The following MAST3 variants were observed in gnomAD, a reference collection of about 807,000 sequenced individuals.
MAST3 encodes the protein microtubule-associated serine/threonine-protein kinase 3.
MAST3 carries 43 observed loss-of-function variants against 127.0 expected under a neutral mutation model. That is an observed-to-expected ratio of 0.34 (90% CI 0.27 to 0.44). The LOEUF (loss-of-function observed/expected upper bound fraction) is 0.44. Among genes scored for constraint, MAST3 ranks in the 20% least tolerant of loss-of-function variants. The pLI is 1.00. For synonymous variants in MAST3, 785 were observed against 809.2 expected (o/e 0.97, Z 0.51); for missense variants, 1,390 against 1,919.1 (o/e 0.72, Z 5.15).
At chr19:18,148,314 T>C (rs560549486) in intron 27 of MAST3, among the ~76,000 whole-genome samples, 21 of 148,934 alleles carry the variant, frequency 1.4e-4, no homozygotes, top group African/African-American at 5.2e-4. Flanking sequence ...AAAAAAAAAT[T>C]AGGTGGTTGT....
In MAST3 at chr19:18,099,859, G is replaced by A. The variant is rs547150927; in HGVS notation, c.39+2028G>A. 2.6e-5 allele frequency among the ~76,000 whole-genome samples: 4 copies of A among 152,298 alleles called. No individual in the cohort carries two copies. The South Asian group carries it at 8.3e-4, about 32-fold the overall frequency. On this transcript the variant is annotated intron_variant, in intron 1 of 27. Transcript: ENST00000687212. ...GATGGCCAGGACTTAATGCTTCCAG[G>A]GCCTTCAGTGCTGATTTTGAAGAGG...
At chr19:18,100,823 T>C (rs2037534444) in intron 1 of MAST3, among the ~76,000 whole-genome samples, 1 of 152,154 alleles carries the variant, frequency 6.6e-6, no homozygotes, top group Admixed American at 6.5e-5. Context: ...AGATCGCTGA[T>C]GCGAGCCAAT....
Position 18,144,990 on chromosome 19 carries a change from TA to T in MAST3, c.2813-11del. ...GTGAGGGAGTGAGTGACCCCCTCCC[TA>T]ACCCCCTGCAGATGATGGCAGCGGC... On this transcript the variant is annotated splice_polypyrimidine_tract_variant and intron_variant, in intron 23 of 27. Transcript: ENST00000687212. The surrounding 1 kb of genome is among the most constrained non-coding windows in gnomAD (Gnocchi z 4.0). 1 of 1,285,964 alleles carries T rather than the reference TA, an allele frequency of 7.8e-7. No individual in the cohort carries two copies. The highest frequency in any genetic ancestry group is 1.1e-6 in the Non-Finnish European group (1 of 892,928). 79.7% of individuals were successfully genotyped at this position (1,285,964 alleles called of 1,614,324 possible). A position where few individuals can be genotyped will look rare whatever the true frequency, so the allele number is the denominator to read the frequency against.
At chr19:18,104,099 C>T (rs2037861512) in intron 1 of MAST3, among the ~76,000 whole-genome samples, 2 of 147,116 alleles carry the variant, frequency 1.4e-5, no homozygotes, top group Non-Finnish European at 3.0e-5. Context: ...ACAATCCCAG[C>T]TACTCTGGAG....
At chr19:18,140,165 A>G (rs2042305310) in intron 20 of MAST3, among the ~76,000 whole-genome samples, 1 of 151,932 alleles carries the variant, frequency 6.6e-6, no homozygotes, top group African/African-American at 2.4e-5. Flanking sequence ...GGATCACTTG[A>G]GGTCAGGAGT....
In MAST3 at chr19:18,124,679, C is replaced by A. The variant is rs867663456; in HGVS notation, c.983C>A (p.Ala328Glu). ...DPEEFYHLLE[A>E]AEGHAREGQG... Reference sequence around the variant, plus strand: ...GAGGAATTTTACCACCTGCTGGAGGCGGCTGAGGGCCATGCGCGGGAGGGC... The same window carrying A: ...GAGGAATTTTACCACCTGCTGGAGGAGGCTGAGGGCCATGCGCGGGAGGGC... Residue 328 changes from alanine (A) to glutamate (E), a missense_variant, in exon 11 of 28, where the codon GCG (alanine) becomes GAG (glutamate). By Grantham distance (107) the Ala-to-Glu change is moderately radical. Coordinates refer to ENST00000687212, the MANE Select transcript of MAST3 (RefSeq NM_001393504.1). 1.2e-6 allele frequency: 2 copies of A among 1,608,632 alleles called. No individual in the cohort carries two copies. Among genetic ancestry groups the A allele is most frequent in the Non-Finnish European group, 1.7e-6 (2 of 1,178,034 alleles).
chr19:18,121,585 T>G, intron 3 of MAST3, 100 bp from the exon 4 acceptor site: 1 of 1,035,386 alleles, frequency 9.7e-7, no homozygotes, highest in South Asian at 1.4e-5. Flanking sequence ...CAACATCCCA[T>G]CCTTCTCCAG....
intron 3 of MAST3, among the ~76,000 whole-genome samples, chr19:18,111,529 A>C (rs1239894498): frequency 1.2e-5 from 1 of 83,736 alleles, no homozygotes; most frequent in East Asian, 2.5e-4. Context: ...CTTTCCACAG[A>C]CTTTTTTTTT....
intron 20 of MAST3, 67 bp from the exon 21 acceptor site, chr19:18,141,815 G>A (rs1343512569): frequency 7.9e-7 from 1 of 1,263,556 alleles, no homozygotes; most frequent in African/African-American, 1.5e-5. Flanking sequence ...CTGGGCCTCT[G>A]AAAGTGCTGG....
At chr19:18,102,230 G>A (rs1402056626) in intron 1 of MAST3, among the ~76,000 whole-genome samples, 2 of 150,530 alleles carry the variant, frequency 1.3e-5, no homozygotes, top group African/African-American at 4.9e-5. Flanking sequence ...GCCCAGGCTG[G>A]AGTGCAATGG....
rs368150248 is a variant in MAST3 at position 18,146,656 on chromosome 19, C to A, written c.3163-225C>A. 3.9e-5 allele frequency among the ~76,000 whole-genome samples: 6 copies of A among 152,150 alleles called. No homozygotes were observed. The South Asian group carries it at 8.3e-4, about 21-fold the overall frequency. On this transcript the variant is annotated intron_variant, in intron 25 of 27. Transcript: ENST00000687212. ...GGTGGAGAGTGAAGAGGGCAGGCCT[C>A]GATCGGCGTTGACCGCAGAGGGAAG...
intron 2 of MAST3, among the ~76,000 whole-genome samples, chr19:18,108,250 A>G (rs1393272652): frequency 6.6e-6 from 1 of 151,898 alleles, no homozygotes; most frequent in African/African-American, 2.4e-5. Context: ...GGCTCCCACC[A>G]CCAGACTTCA....
chr19:18,121,163 T>G (rs552173085), intron 3 of MAST3, among the ~76,000 whole-genome samples: 1 of 152,094 alleles, frequency 6.6e-6, no homozygotes, highest in African/African-American at 2.4e-5. Flanking sequence ...GCCTTGTTTT[T>G]GTTTTTTTAA....
chr19:18,105,259 TG>T (rs1483440041), intron 1 of MAST3, among the ~76,000 whole-genome samples: 1 of 152,116 alleles, frequency 6.6e-6, no homozygotes, highest in East Asian at 1.9e-4. Flanking sequence ...CCCAGTTACT[TG>T]GGAGGCTGAG....
Position 18,144,554 on chromosome 19 carries a change from G to C in MAST3, c.2673G>C (p.Arg891=). Residue 891 remains arginine, a synonymous_variant, in exon 23 of 28, where the codon CGG becomes CGC. Coordinates refer to ENST00000687212, the MANE Select transcript of MAST3 (RefSeq NM_001393504.1). The surrounding 1 kb of genome is among the most constrained non-coding windows in gnomAD (Gnocchi z 4.0). ...CACCAAGGCCTCTGGATGCCGGCCG[G>C]GGCCGCCGCCTTGGGGGCCCAAGAG... ...HSTPRPLDAG[R]GRRLGGPRDP... The C allele has an allele frequency of 6.2e-7, 1 of 1,610,016 alleles. No individual in the cohort carries two copies. The highest frequency in any genetic ancestry group is 8.5e-7 in the Non-Finnish European group (1 of 1,179,054).
chr19:18,139,022 G>T lies in MAST3; in HGVS notation c.2103G>T (p.Ser701=). 6.3e-7 allele frequency: 1 copy of T among 1,590,016 alleles called. No individual in the cohort carries two copies. Among genetic ancestry groups the T allele is most frequent in the Non-Finnish European group, 8.6e-7 (1 of 1,168,246 alleles). ...TGCCTCTCCCTCCCACAGCACGTTCGGAACGTTACCGCCATCTGGGCTCCG... is the reference window on the plus strand; with the variant it reads ...TGCCTCTCCCTCCCACAGCACGTTCTGAACGTTACCGCCATCTGGGCTCCG... The part of the protein sequence containing the change: ...EDDTSYFDTR[S]ERYRHLGSED... The change falls in exon 20 of 28, where the codon TCG becomes TCT. Residue 701 remains serine, a synonymous_variant. Coordinates refer to ENST00000687212, the MANE Select transcript of MAST3 (RefSeq NM_001393504.1).
chr19:18,144,098 T>C lies in MAST3; in HGVS notation c.2584+91T>C, dbSNP rs2042790496. 1 of 1,475,302 alleles carries C rather than the reference T, an allele frequency of 6.8e-7. No individual in the cohort carries two copies. The highest frequency in any genetic ancestry group is 9.0e-7 in the Non-Finnish European group (1 of 1,109,544). 91.4% of individuals were successfully genotyped at this position (1,475,302 alleles called of 1,614,324 possible). A position where few individuals can be genotyped will look rare whatever the true frequency, so the allele number is the denominator to read the frequency against. On this transcript the variant is annotated intron_variant, in intron 22 of 27. Transcript: ENST00000687212. The surrounding 1 kb of genome is among the most constrained non-coding windows in gnomAD (Gnocchi z 4.0). ...ATGGGTTTTCAAGGATGAGTAGGAG[T>C]TCTCCAGAGCCAACAAAGGCTTTAA...
chr19:18,109,276 C>T (rs1439883614), intron 2 of MAST3, among the ~76,000 whole-genome samples: 2 of 152,022 alleles, frequency 1.3e-5, no homozygotes, highest in Non-Finnish European at 2.9e-5. Context: ...AATCCCAGGC[C>T]ATCTGCTTCT....
rs2038422013 is a variant in MAST3 at position 18,110,171 on chromosome 19, C to T, written c.72-481C>T. ...GCCAGCCCGGCCCCCAGCGGCCCAG[C>T]CCCCGCGTCTAGTCTGCCGCACCAG... On this transcript the variant is annotated intron_variant, in intron 2 of 27. Coordinates refer to ENST00000687212, the MANE Select transcript of MAST3 (RefSeq NM_001393504.1). This position sits in a 1 kb window ranked among gnomAD's most constrained non-coding sequence, Gnocchi z 4.3. 7.1e-6 allele frequency: 7 copies of T among 985,310 alleles called. No homozygotes were observed. The highest frequency in any genetic ancestry group is 1.7e-5 in the African/African-American group (1 of 57,238). 61.0% of individuals were successfully genotyped at this position (985,310 alleles called of 1,614,324 possible).
Sources: gnomAD v4.1 joint callset for allele counts (sites outside exome capture counted in the v4.1 genomes callset) on GRCh38, gnomAD v4.1.1 for gene constraint, Gnocchi (gnomAD v3.1) non-coding constraint, MANE v1.5 for transcripts, NCBI Gene and HGNC (gene_info 2026-07-23, HGNC 2026-07-21) for gene names.